ANKRD36C: variants seen among roughly 807,000 people sequenced by gnomAD.
ANKRD36C encodes the protein ankyrin repeat domain-containing protein 36C.
A neutral mutation model predicts 276.4 loss-of-function variants in ANKRD36C; 61 were observed. That is an observed-to-expected ratio of 0.22 (90% CI 0.18 to 0.27). The LOEUF is 0.27. Among genes scored for constraint, ANKRD36C ranks in the 10% least tolerant of loss-of-function variants. ANKRD36C has a pLI of 1.00. For synonymous variants in ANKRD36C, 483 were observed against 680.1 expected (o/e 0.71, Z 4.51); for missense variants, 1,447 against 2,032.3 (o/e 0.71, Z 5.54).
rs1325663627 is a variant in ANKRD36C, at chr2:95,868,899, T to C, written c.3541-1318A>G. ...ACTTATTTGTGATGAATTTTAAAGG[T>C]TTTTTTTACCCTAGTTTGTCTTGTT... On this transcript the variant is annotated intron_variant, in intron 59 of 66. Transcript: ENST00000456556. 1.2e-4 allele frequency among the ~76,000 whole-genome samples: 18 copies of C among 151,834 alleles called. No homozygotes were observed. In the East Asian group the frequency reaches 3.3e-3, roughly 28 times the overall value.
At chr2:95,965,037 A>G (rs1281816646) in intron 6 of ANKRD36C, among the ~76,000 whole-genome samples, 1 of 151,960 alleles carries the variant, frequency 6.6e-6, no homozygotes. Flanking sequence ...CATGTCAGTA[A>G]TTGACATGAA....
chr2:95,938,172 T>C (rs1248029124), intron 22 of ANKRD36C, among the ~76,000 whole-genome samples: 1 of 152,302 alleles, frequency 6.6e-6, no homozygotes, highest in Non-Finnish European at 1.5e-5. Flanking sequence ...TTAATGTGCA[T>C]TGCAGTGACT....
intron 10 of ANKRD36C, 41 bp downstream of exon 10, chr2:95,960,432 T>C (rs1388343319): frequency 6.5e-7 from 1 of 1,540,304 alleles, no homozygotes; most frequent in East Asian, 2.4e-5. Flanking sequence ...TTCTCCTCTA[T>C]CTTCAGTGAA....
intron 34 of ANKRD36C, 94 bp downstream of exon 34, chr2:95,921,513 G>GC (rs908700324): frequency 3.7e-5 from 55 of 1,492,698 alleles, no homozygotes; most frequent in African/African-American, 3.0e-4. Context: ...GCTTCGGCGA[G>GC]CCCCCCCACC....
chr2:95,982,361 T>C (rs762875872), exon 4 of ANKRD36C: 10 of 1,537,672 alleles, frequency 6.5e-6, no homozygotes, highest in Non-Finnish European at 7.9e-6. Context: ...CGGATATTCA[T>C]CCTGTAAAAT....
intron 52 of ANKRD36C, among the ~76,000 whole-genome samples, chr2:95,885,209 T>G (rs996016486): frequency 4.6e-5 from 7 of 151,526 alleles, no homozygotes; most frequent in African/African-American, 1.7e-4. Context: ...ACTTTTTGTT[T>G]CTATAATAGT....
chr2:95,985,791 T>C (rs954056401), intron 3 of ANKRD36C, among the ~76,000 whole-genome samples: 2 of 152,168 alleles, frequency 1.3e-5, no homozygotes, highest in Non-Finnish European at 2.9e-5. Flanking sequence ...GAAAACTTCA[T>C]TTACTTTTCC....
intron 24 of ANKRD36C, among the ~76,000 whole-genome samples, chr2:95,934,541 G>C (rs1205331128): frequency 1.3e-5 from 2 of 152,104 alleles, no homozygotes; most frequent in African/African-American, 4.8e-5. Flanking sequence ...ACTCATAAGT[G>C]GGAGTTGAAC....
At chr2:95,947,871 T>C (rs1235363335) in intron 17 of ANKRD36C, among the ~76,000 whole-genome samples, 1 of 152,176 alleles carries the variant, frequency 6.6e-6, no homozygotes, top group Non-Finnish European at 1.5e-5. Flanking sequence ...AAGCTTGGTC[T>C]TAAACTCCTG....
intron 6 of ANKRD36C, among the ~76,000 whole-genome samples, chr2:95,967,171 G>A (rs552145671): frequency 8.6e-5 from 13 of 151,970 alleles, no homozygotes; most frequent in Non-Finnish European, 1.9e-4. Context: ...GATTACCCTG[G>A]CCAGAACTTC....
At chr2:95,855,972 G>C (rs1558616319) in exon 63 of ANKRD36C, 1 of 1,612,920 alleles carries the variant, frequency 6.2e-7, no homozygotes. Context: ...ACTATAACAG[G>C]CTATCGTTTC....
chr2:95,963,944 A>AT (rs1678515664), intron 6 of ANKRD36C, among the ~76,000 whole-genome samples: 1 of 82,716 alleles, frequency 1.2e-5, no homozygotes, highest in Non-Finnish European at 2.4e-5. Flanking sequence ...TACATATATA[A>AT]ATATATATAT....
chr2:95,955,845 T>C (rs1193943321), intron 13 of ANKRD36C, among the ~76,000 whole-genome samples: 1 of 152,188 alleles, frequency 6.6e-6, no homozygotes, highest in Non-Finnish European at 1.5e-5. Flanking sequence ...CTTTGTTTAG[T>C]CTCTAGGATT....
chr2:95,870,910 G>A (rs1232456897), intron 59 of ANKRD36C, among the ~76,000 whole-genome samples: 7 of 152,124 alleles, frequency 4.6e-5, no homozygotes, highest in Non-Finnish European at 7.4e-5. Context: ...GGAAGAAAGG[G>A]TATCAGTGAT....
chr2:95,943,882 G>A (rs902472490), intron 19 of ANKRD36C, among the ~76,000 whole-genome samples: 13 of 151,900 alleles, frequency 8.6e-5, no homozygotes, highest in African/African-American at 2.2e-4. Context: ...TTCAGTGTAC[G>A]TGTGATGATT....
chr2:95,925,921 T>G (rs1324989893), intron 28 of ANKRD36C, among the ~76,000 whole-genome samples: 1 of 151,624 alleles, frequency 6.6e-6, no homozygotes, highest in Non-Finnish European at 1.5e-5. Flanking sequence ...CTGCATGTTT[T>G]TCATGCAAGA....
At chr2:95,981,034 TG>T (rs1280737790) in intron 4 of ANKRD36C, among the ~76,000 whole-genome samples, 1 of 152,054 alleles carries the variant, frequency 6.6e-6, no homozygotes, top group East Asian at 1.9e-4. Flanking sequence ...AGTCCTTTGA[TG>T]GGCAAGAAAC....
chr2:95,921,504 C>T, intron 34 of ANKRD36C, 103 bp downstream of exon 34: 1 of 1,461,954 alleles, frequency 6.8e-7, no homozygotes, highest in East Asian at 2.5e-5. Flanking sequence ...GAATGTGCAG[C>T]TTCGGCGAGC....
chr2:95,915,982 G>T (rs1279605769), exon 38 of ANKRD36C: 1 of 1,548,134 alleles, frequency 6.5e-7, no homozygotes, highest in Admixed American at 1.9e-5. Context: ...AAAATTACCT[G>T]TCCTAGATAT....
Sources: gnomAD v4.1 joint callset for allele counts (sites outside exome capture counted in the v4.1 genomes callset) on GRCh38, gnomAD v4.1.1 for gene constraint, MANE v1.5 for transcripts, NCBI Gene and HGNC (gene_info 2026-07-23, HGNC 2026-07-21) for gene names.